CCDC134: variants seen among roughly 807,000 people sequenced by gnomAD.
CCDC134 encodes the protein coiled-coil domain containing 134.
In CCDC134, 27 loss-of-function variants were observed where a neutral mutation model predicts 25.6. The ratio of observed to expected loss-of-function variants is 1.05; its 90% CI spans 0.78 to 1.45. The LOEUF is 1.45. CCDC134 is among the 40% of genes most tolerant of loss of function. The probability of loss-of-function intolerance (pLI) is 0.00; values close to 1 mark genes in which losing one functional copy is unlikely to be tolerated. For synonymous variants in CCDC134, 110 were observed against 115.0 expected (o/e 0.96, Z 0.28); for missense variants, 261 against 286.7 (o/e 0.91, Z 0.65).
intron 1 of CCDC134, among the ~76,000 whole-genome samples, chr22:41,804,660 T>C (rs1602233416): frequency 6.6e-6 from 1 of 152,348 alleles, no homozygotes; most frequent in East Asian, 1.9e-4. Context: ...TGACAGATTT[T>C]ACTCATTCAC....
At chr22:41,802,802 T>C (rs2076550136) in intron 1 of CCDC134, among the ~76,000 whole-genome samples, 1 of 151,368 alleles carries the variant, frequency 6.6e-6, no homozygotes. Flanking sequence ...TAGTCCCAGC[T>C]ACTTGGGAGG....
At chr22:41,804,975 C>T (rs1214436146) in intron 1 of CCDC134, among the ~76,000 whole-genome samples, 2 of 152,136 alleles carry the variant, frequency 1.3e-5, no homozygotes, top group Admixed American at 6.6e-5. Context: ...GAGGCTGAGG[C>T]GCAAGAATCA....
chr22:41,824,475 G>T (rs1282661214), intron 6 of CCDC134, among the ~76,000 whole-genome samples: 4 of 152,130 alleles, frequency 2.6e-5, no homozygotes, highest in Admixed American at 6.6e-5. Context: ...ATTTTGAAAA[G>T]ATCCATCCGG....
chr22:41,815,104 A>T (rs1228464338), intron 6 of CCDC134, among the ~76,000 whole-genome samples: 1 of 151,606 alleles, frequency 6.6e-6, no homozygotes, highest in African/African-American at 2.4e-5. Context: ...CTGCAAGAAT[A>T]TGCAGGGATG....
In CCDC134 at chr22:41,828,409, G is replaced by C. The variant is rs948966090; in HGVS notation, c.*2586G>C. 2.0e-5 allele frequency among the ~76,000 whole-genome samples: 3 copies of C among 152,178 alleles called. No individual in the cohort carries two copies. The highest frequency in any genetic ancestry group is 7.2e-5 in the African/African-American group (3 of 41,432). On this transcript the variant is annotated 3_prime_UTR_variant, in exon 7 of 7. Transcript: ENST00000255784. ...TGCCTGCTATATATGCAGAGCCAAA[G>C]AGTGGGGCCTGGTCTTGAACTATCT...
intron 4 of CCDC134, among the ~76,000 whole-genome samples, chr22:41,812,422 C>CAAAA (rs36098937): frequency 1.4e-4 from 11 of 77,152 alleles, no homozygotes; most frequent in African/African-American, 3.3e-4. Context: ...ACTCCGTCTC[C>CAAAA]AAAAAAAAAA....
chr22:41,813,689 G>C, intron 5 of CCDC134, 62 bp from the exon 6 acceptor site: 1 of 1,527,998 alleles, frequency 6.5e-7, no homozygotes, highest in Non-Finnish European at 9.1e-7. Context: ...TGGAAGGAAT[G>C]ACTCTCTGGT....
chr22:41,819,989 A>ATG (rs1325269410), intron 6 of CCDC134, among the ~76,000 whole-genome samples: 4 of 131,760 alleles, frequency 3.0e-5, no homozygotes, highest in Non-Finnish European at 6.3e-5. Context: ...ATATATATAT[A>ATG]TATATATATA....
chr22:41,825,865 G>T lies in CCDC134; in HGVS notation c.*42G>T. On this transcript the variant is annotated 3_prime_UTR_variant, in exon 7 of 7. Coordinates refer to ENST00000255784, the MANE Select transcript of CCDC134 (RefSeq NM_024821.5). The surrounding 1 kb of genome is among the most constrained non-coding windows in gnomAD (Gnocchi z 4.4). ...GGCTCAGGGGGCCACAAGGAGGCAG[G>T]TCGGGAGGAAGAAGAGGTGGAGGTG... is the stretch of plus-strand genomic sequence containing the variant. 1 of 1,608,892 alleles carries T rather than the reference G, an allele frequency of 6.2e-7. No homozygotes were observed. Among genetic ancestry groups the T allele is most frequent in the Non-Finnish European group, 8.5e-7 (1 of 1,176,822 alleles).
intron 1 of CCDC134, among the ~76,000 whole-genome samples, chr22:41,805,453 T>A (rs1319772865): frequency 6.6e-6 from 1 of 152,122 alleles, no homozygotes; most frequent in Non-Finnish European, 1.5e-5. Flanking sequence ...AAAGAATACT[T>A]TTCTTGAATA....
chr22:41,808,936 T>G lies in CCDC134; in HGVS notation c.46T>G (p.Ser16Ala), dbSNP rs764624807. 1 of 1,614,228 alleles carries G rather than the reference T, an allele frequency of 6.2e-7. No individual in the cohort carries two copies. Among genetic ancestry groups the G allele is most frequent in the South Asian group, 1.1e-5 (1 of 91,086 alleles). Reference sequence around the variant, plus strand: ...GGCCTTCCTCTTTGTCCTGCTTTTGTCTGGGATGGGAGCCACAGGCACCTT... The same window carrying G: ...GGCCTTCCTCTTTGTCCTGCTTTTGGCTGGGATGGGAGCCACAGGCACCTT... ...FLAFLFVLLL[S>A]GMGATGTLRT... The change falls in exon 2 of 7, where the codon TCT becomes GCT. Residue 16 changes from serine to alanine, a missense_variant. By Grantham distance (99) the Ser-to-Ala change is moderately conservative. Transcript: ENST00000255784.
chr22:41,810,228 G>C lies in CCDC134; in HGVS notation c.247G>C (p.Val83Leu), dbSNP rs746176647. 5.0e-6 allele frequency: 8 copies of C among 1,614,080 alleles called. No individual in the cohort carries two copies. The South Asian group carries it at 8.8e-5, about 18-fold the overall frequency. The change falls in exon 4 of 7, where the codon GTG becomes CTG. Residue 83 changes from valine (V) to leucine (L), a missense_variant. Coordinates refer to ENST00000255784, the MANE Select transcript of CCDC134 (RefSeq NM_024821.5). Reference sequence around the variant, plus strand: ...TCAGGTGCTGGAGGACTCCCGGACAGTGCTCACCGCTGCTGATGTGCTCCC... The same window carrying C: ...TCAGGTGCTGGAGGACTCCCGGACACTGCTCACCGCTGCTGATGTGCTCCC... ...LFKVLEDSRT[V>L]LTAADVLPDG... is the part of the protein sequence containing the mutation.
intron 6 of CCDC134, among the ~76,000 whole-genome samples, chr22:41,817,858 A>G (rs1348917859): frequency 5.9e-5 from 9 of 152,236 alleles, no homozygotes; most frequent in Admixed American, 5.2e-4. Flanking sequence ...TATAACATGC[A>G]TGGCTGTTAG....
intron 1 of CCDC134, among the ~76,000 whole-genome samples, chr22:41,803,169 T>C (rs1250514178): frequency 1.3e-5 from 2 of 150,998 alleles, no homozygotes; most frequent in Non-Finnish European, 2.9e-5. Flanking sequence ...GTCAGTTGGG[T>C]AGAGGATCAC....
intron 6 of CCDC134, among the ~76,000 whole-genome samples, chr22:41,824,875 G>T (rs910596997): frequency 2.6e-5 from 4 of 152,210 alleles, no homozygotes; most frequent in Non-Finnish European, 5.9e-5. Context: ...GCAGAGAGAT[G>T]GGGGTGGTGA....
chr22:41,824,333 A>G (rs574237543), intron 6 of CCDC134, among the ~76,000 whole-genome samples: 1 of 152,158 alleles, frequency 6.6e-6, no homozygotes, highest in Non-Finnish European at 1.5e-5. Flanking sequence ...GAATCCAAGA[A>G]CATAAAGGTG....
Position 41,828,132 on chromosome 22 carries a change from CA to C in CCDC134, c.*2310del, listed in dbSNP as rs1282992921. Among the ~76,000 whole-genome samples the C allele has an allele frequency of 1.3e-5, 2 of 152,116 alleles. No homozygotes were observed. Among genetic ancestry groups the C allele is most frequent in the South Asian group, 2.1e-4 (1 of 4,828 alleles). ...TTAGCAGGATTTGTATAATTTGAAG[CA>C]GAGCTGGGCAACTGCAGAGCAATGG... On this transcript the variant is annotated 3_prime_UTR_variant, in exon 7 of 7. Coordinates refer to ENST00000255784, the MANE Select transcript of CCDC134 (RefSeq NM_024821.5).
rs545118563 is a variant in CCDC134, at chr22:41,820,295, C to T, written c.565-5403C>T. ...ACAGGTGTGAGCCACCGCTCCCAGC[C>T]GTTATTTATATATATATTTTTAAGA... is the stretch of plus-strand genomic sequence containing the variant. On this transcript the variant is annotated intron_variant, in intron 6 of 6. Coordinates refer to ENST00000255784, the MANE Select transcript of CCDC134 (RefSeq NM_024821.5). Among the ~76,000 whole-genome samples, 23 of 151,440 alleles carry T rather than the reference C, an allele frequency of 1.5e-4. No individual in the cohort carries two copies. The South Asian group carries it at 1.7e-3, about 11-fold the overall frequency.
At chr22:41,802,383 G>A (rs929250282) in intron 1 of CCDC134, among the ~76,000 whole-genome samples, 1 of 107,586 alleles carries the variant, frequency 9.3e-6, no homozygotes, top group Non-Finnish European at 2.2e-5. Flanking sequence ...GAGACTAGGA[G>A]TCTCCAGTTG....
Sources: gnomAD v4.1 joint callset for allele counts (sites outside exome capture counted in the v4.1 genomes callset) on GRCh38, gnomAD v4.1.1 for gene constraint, Gnocchi (gnomAD v3.1) non-coding constraint, MANE v1.5 for transcripts, NCBI Gene and HGNC (gene_info 2026-07-23, HGNC 2026-07-21) for gene names.